SIPA1L1: variants seen among roughly 807,000 people sequenced by gnomAD.
SIPA1L1 encodes the protein signal induced proliferation associated 1 like 1.
A neutral mutation model predicts 162.7 loss-of-function variants in SIPA1L1; 26 were observed. The observed-to-expected ratio is 0.16, with a 90% confidence interval of 0.12 to 0.22. The LOEUF is 0.22. Among genes scored for constraint, SIPA1L1 ranks in the 10% least tolerant of loss-of-function variants. The probability of loss-of-function intolerance (pLI) is 1.00; values close to 1 mark genes in which losing one functional copy is unlikely to be tolerated. For synonymous variants in SIPA1L1, 829 were observed against 837.4 expected (o/e 0.99, Z 0.17); for missense variants, 1,874 against 2,241.0 (o/e 0.84, Z 3.31).
chr14:71,694,026 C>T (rs113614589), intron 13 of SIPA1L1, among the ~76,000 whole-genome samples: 14 of 152,120 alleles, frequency 9.2e-5, no homozygotes, highest in African/African-American at 3.4e-4. Flanking sequence ...ATTAATCTTA[C>T]CTAATCAGTT....
intron 12 of SIPA1L1, among the ~76,000 whole-genome samples, chr14:71,673,718 A>G (rs2044773893): frequency 6.6e-6 from 1 of 152,212 alleles, no homozygotes; most frequent in African/African-American, 2.4e-5. Flanking sequence ...CCTTTGTCTG[A>G]TAGTTTGAAG....
chr14:71,584,925 G>A (rs117332658), intron 4 of SIPA1L1, among the ~76,000 whole-genome samples: 210 of 152,248 alleles, frequency 1.4e-3, no homozygotes, highest in Non-Finnish European at 2.5e-3. Context: ...GAGAGTTGCT[G>A]ATCATTGTCA....
intron 3 of SIPA1L1, among the ~76,000 whole-genome samples, chr14:71,526,496 A>G (rs1021895684): frequency 6.6e-6 from 1 of 152,208 alleles, no homozygotes; most frequent in African/African-American, 2.4e-5. Context: ...TGTGAGATTT[A>G]TCAGTGTTCT....
chr14:71,386,499 TCAATC>T (rs1365775488), intron 2 of SIPA1L1, among the ~76,000 whole-genome samples: 1 of 152,158 alleles, frequency 6.6e-6, no homozygotes, highest in African/African-American at 2.4e-5. Context: ...TTTGCATCCT[TCAATC>T]CAATCAAGTT....
At chr14:71,639,829 A>T (rs182566479) in intron 7 of SIPA1L1, among the ~76,000 whole-genome samples, 1 of 152,360 alleles carries the variant, frequency 6.6e-6, no homozygotes, top group African/African-American at 2.4e-5. Flanking sequence ...TGGAGGAAGG[A>T]TAGGCTTTTC....
chr14:71,426,680 C>T (rs554839823), intron 2 of SIPA1L1, among the ~76,000 whole-genome samples: 13 of 151,796 alleles, frequency 8.6e-5, no homozygotes, highest in African/African-American at 2.2e-4. Context: ...TTAGTATAGA[C>T]GGGGTTTCAC....
intron 6 of SIPA1L1, among the ~76,000 whole-genome samples, chr14:71,621,616 A>G (rs2039457015): frequency 6.6e-6 from 1 of 152,080 alleles, no homozygotes; most frequent in African/African-American, 2.4e-5. Context: ...TTTATTTTTC[A>G]TTAATACTTA....
At chr14:71,721,974 C>G (rs975289958) in intron 17 of SIPA1L1, among the ~76,000 whole-genome samples, 2 of 152,242 alleles carry the variant, frequency 1.3e-5, no homozygotes, top group Non-Finnish European at 2.9e-5. Context: ...TGGCCCAGAG[C>G]TGGTCTAAAT....
intron 2 of SIPA1L1, among the ~76,000 whole-genome samples, chr14:71,378,846 A>T (rs1340989771): frequency 6.6e-6 from 1 of 152,128 alleles, no homozygotes; most frequent in East Asian, 1.9e-4. Context: ...CTTTATAATT[A>T]TGAAATGTTG....
chr14:71,537,067 AGATTT>A (rs1284454357), intron 4 of SIPA1L1, among the ~76,000 whole-genome samples: 2 of 152,140 alleles, frequency 1.3e-5, no homozygotes, highest in Admixed American at 6.5e-5. Context: ...AGCTCTCATT[AGATTT>A]ATTTCAGTTA....
intron 4 of SIPA1L1, chr14:71,587,063 A>T (rs1257858524): frequency 1.3e-5 from 2 of 152,248 alleles, no homozygotes; most frequent in Admixed American, 1.3e-4. Context: ...GAAACAAAAA[A>T]CATGTATTGA....
intron 5 of SIPA1L1, among the ~76,000 whole-genome samples, chr14:71,610,817 A>G (rs1017640684): frequency 4.6e-5 from 7 of 152,326 alleles, no homozygotes; most frequent in African/African-American, 7.2e-5. Context: ...GCTACTTTAG[A>G]TACTGTTTTA....
chr14:71,620,336 T>C (rs752242704), intron 6 of SIPA1L1, among the ~76,000 whole-genome samples: 13 of 152,240 alleles, frequency 8.5e-5, no homozygotes, highest in Non-Finnish European at 1.6e-4. Context: ...CCCAAAGTGC[T>C]GGGATTACAG....
At chr14:71,646,874 G>A (rs929506278) in intron 7 of SIPA1L1, among the ~76,000 whole-genome samples, 3 of 152,224 alleles carry the variant, frequency 2.0e-5, no homozygotes, top group African/African-American at 2.4e-5. Flanking sequence ...ATAAGCCCAC[G>A]TAGGTATGTT....
At chr14:71,599,486 C>T (rs1181177400) in intron 5 of SIPA1L1, among the ~76,000 whole-genome samples, 2 of 145,638 alleles carry the variant, frequency 1.4e-5, no homozygotes, top group African/African-American at 5.1e-5. Flanking sequence ...TTTTAATCAC[C>T]AAATAATGTT....
chr14:71,465,184 C>G (rs2046902749), intron 2 of SIPA1L1, among the ~76,000 whole-genome samples: 1 of 152,194 alleles, frequency 6.6e-6, no homozygotes, highest in Non-Finnish European at 1.5e-5. Flanking sequence ...CCAATCAGTG[C>G]CCTGACTGTA....
At chr14:71,486,918 A>G (rs1212812759) in intron 2 of SIPA1L1, among the ~76,000 whole-genome samples, 1 of 152,242 alleles carries the variant, frequency 6.6e-6, no homozygotes, top group Non-Finnish European at 1.5e-5. Context: ...TTTTAGAAAT[A>G]TTTATGTAAA....
rs879587677 is a variant in SIPA1L1 at position 71,661,601 on chromosome 14, C to T, written c.2255+134C>T. On this transcript the variant is annotated intron_variant, in intron 10 of 23. Coordinates refer to ENST00000381232, the MANE Select transcript of SIPA1L1 (RefSeq NM_001386936.1). ...TCTTTTTGTCTTTAAACCATGCATG[C>T]GGATGGCTGAATTCACATGATGATG... The T allele has an allele frequency of 1.5e-5, 13 of 890,330 alleles. 2 individuals are homozygous for T. Among genetic ancestry groups the T allele is most frequent in the Middle Eastern group, 3.6e-4 (1 of 2,788 alleles). 55.2% of individuals were successfully genotyped at this position (890,330 alleles called of 1,614,324 possible). A position where few individuals can be genotyped will look rare whatever the true frequency, so the allele number is the denominator to read the frequency against.
At chr14:71,351,621 A>G (rs2036718273) in intron 2 of SIPA1L1, among the ~76,000 whole-genome samples, 1 of 151,240 alleles carries the variant, frequency 6.6e-6, no homozygotes, top group African/African-American at 2.4e-5. Flanking sequence ...GTTTATTATT[A>G]CCATAAACTG....
Sources: allele counts gnomAD v4.1 joint callset (sites outside exome capture counted in the v4.1 genomes callset), GRCh38; gene constraint gnomAD v4.1.1; transcripts MANE v1.5; gene names NCBI Gene and HGNC (gene_info 2026-07-23, HGNC 2026-07-21).